Variants in CNTNAP4 observed in about 807,000 individuals in gnomAD.
CNTNAP4 encodes the protein contactin associated protein family member 4.
Under a neutral mutation model 148.4 loss-of-function variants are expected in CNTNAP4, and 98 were observed. The observed-to-expected ratio is 0.66, with a 90% confidence interval of 0.56 to 0.78. The LOEUF (loss-of-function observed/expected upper bound fraction) is 0.78. Among genes scored for constraint, CNTNAP4 ranks in the 30% least tolerant of loss-of-function variants. The pLI is 0.00. For missense variants in CNTNAP4, 1,935 were observed against 1,565.6 expected, an observed-to-expected ratio of 1.24 and a Z score of -3.98; for synonymous variants, 730 against 565.1, an observed-to-expected ratio of 1.29 and a Z score of -4.14.
chr16:76,397,114 G>T (rs895169018), intron 3 of CNTNAP4, among the ~76,000 whole-genome samples: 17 of 152,040 alleles, frequency 1.1e-4, no homozygotes, highest in African/African-American at 3.9e-4. Flanking sequence ...AGACCCAGGG[G>T]CCTACAAGAG....
intron 10 of CNTNAP4, among the ~76,000 whole-genome samples, chr16:76,472,414 C>T (rs2081409094): frequency 2.0e-5 from 3 of 152,050 alleles, no homozygotes; most frequent in Admixed American, 6.6e-5. Context: ...ATATGTATCA[C>T]AACCATTTAA....
intron 15 of CNTNAP4, among the ~76,000 whole-genome samples, chr16:76,517,566 A>T (rs1884249765): frequency 6.6e-6 from 1 of 152,224 alleles, no homozygotes; most frequent in African/African-American, 2.4e-5. Context: ...TAAGAAAGGT[A>T]GTGTTAGCAT....
chr16:76,499,131 G>C (rs953927561), intron 15 of CNTNAP4, among the ~76,000 whole-genome samples: 1 of 147,966 alleles, frequency 6.8e-6, no homozygotes, highest in Non-Finnish European at 1.5e-5. Context: ...GCAGTGGCGC[G>C]ATGTTGGCTC....
intron 15 of CNTNAP4, among the ~76,000 whole-genome samples, chr16:76,515,050 A>G (rs1193105765): frequency 6.6e-6 from 1 of 152,206 alleles, no homozygotes; most frequent in East Asian, 1.9e-4. Context: ...TTTAGACTTG[A>G]CATCGAAAGC....
intron 2 of CNTNAP4, among the ~76,000 whole-genome samples, chr16:76,353,184 T>C (rs867717172): frequency 1.3e-5 from 2 of 152,126 alleles, no homozygotes; most frequent in Admixed American, 6.5e-5. Context: ...TTTTGACACA[T>C]GGAGTGGAAT....
intron 7 of CNTNAP4, among the ~76,000 whole-genome samples, chr16:76,450,741 A>G (rs2080431953): frequency 6.6e-6 from 1 of 152,210 alleles, no homozygotes; most frequent in African/African-American, 2.4e-5. Context: ...ACTGCATTAC[A>G]TTCTAATTCT....
chr16:76,448,080 C>A lies in CNTNAP4; in HGVS notation c.607C>A (p.Pro203Thr). 1 of 1,613,550 alleles carries A rather than the reference C, an allele frequency of 6.2e-7. No homozygotes were observed. The highest frequency in any genetic ancestry group is 8.5e-7 in the Non-Finnish European group (1 of 1,179,654). ...LYRFDQKSLS[P>T]IKDIISLKFK... Reference sequence around the variant, plus strand: ...CAGATTTGATCAAAAATCCCTGAGCCCAATAAAAGACATTATTTCTTTGAA... The same window carrying A: ...CAGATTTGATCAAAAATCCCTGAGCACAATAAAAGACATTATTTCTTTGAA... Residue 203 changes from proline to threonine, a missense_variant, in exon 5 of 24, where the codon CCA (proline) becomes ACA (threonine). Physicochemically the swap from Pro to Thr is conservative, Grantham distance 38. Transcript: ENST00000611870.
chr16:76,546,553 C>T (rs1009209784), intron 21 of CNTNAP4, among the ~76,000 whole-genome samples: 2 of 152,184 alleles, frequency 1.3e-5, no homozygotes, highest in African/African-American at 4.8e-5. Flanking sequence ...CGTCTAGTTA[C>T]AGGAAGAGAA....
At chr16:76,388,309 A>G (rs1043552180) in intron 3 of CNTNAP4, among the ~76,000 whole-genome samples, 1 of 152,242 alleles carries the variant, frequency 6.6e-6, no homozygotes, top group Non-Finnish European at 1.5e-5. Context: ...TGTTTTTCAA[A>G]CATTGGTACC....
intron 3 of CNTNAP4, among the ~76,000 whole-genome samples, chr16:76,370,248 CAT>C (rs1321953908): frequency 6.6e-6 from 1 of 151,714 alleles, no homozygotes; most frequent in African/African-American, 2.4e-5. Flanking sequence ...GTGTGGGTTT[CAT>C]ATGTGCAGCA....
At chr16:76,320,684 A>C (rs1324163395) in intron 2 of CNTNAP4, among the ~76,000 whole-genome samples, 4 of 152,174 alleles carry the variant, frequency 2.6e-5, no homozygotes, top group African/African-American at 7.2e-5. Flanking sequence ...GTAGAGTTCA[A>C]ACAGGTTCTA....
At chr16:76,364,116 A>G (rs1275694327) in intron 3 of CNTNAP4, among the ~76,000 whole-genome samples, 1 of 151,284 alleles carries the variant, frequency 6.6e-6, no homozygotes, top group African/African-American at 2.4e-5. Flanking sequence ...GCACACCTGT[A>G]ATCCCAGCTA....
At chr16:76,469,746 G>C (rs1034064123) in intron 10 of CNTNAP4, among the ~76,000 whole-genome samples, 2 of 152,102 alleles carry the variant, frequency 1.3e-5, no homozygotes, top group Non-Finnish European at 2.9e-5. Flanking sequence ...GAAATAGTTA[G>C]CAAATTATGG....
intron 3 of CNTNAP4, among the ~76,000 whole-genome samples, chr16:76,397,937 ATTATAT>A (rs2078258911): frequency 2.7e-5 from 2 of 73,234 alleles, no homozygotes; most frequent in African/African-American, 9.9e-5. Context: ...GAACTAATAG[ATTATAT>A]ACATATATAT....
At chr16:76,434,517 C>T (rs543243019) in intron 4 of CNTNAP4, among the ~76,000 whole-genome samples, 111 of 152,278 alleles carry the variant, frequency 7.3e-4, no homozygotes, top group East Asian at 6.6e-3. Context: ...TACAATAATC[C>T]GCTGTCATTT....
intron 21 of CNTNAP4, among the ~76,000 whole-genome samples, chr16:76,553,063 T>G (rs1053661657): frequency 6.6e-6 from 1 of 152,190 alleles, no homozygotes; most frequent in African/African-American, 2.4e-5. Flanking sequence ...CCATATCACT[T>G]TTAATAATCC....
At chr16:76,498,467 CTT>C in intron 14 of CNTNAP4, 98 bp from the exon 15 acceptor site, 2 of 909,516 alleles carry the variant, frequency 2.2e-6, no homozygotes, top group Non-Finnish European at 3.4e-6. Context: ...GATCCATACT[CTT>C]TTGTAGGTGC....
Position 76,449,584 on chromosome 16 carries a change from A to C in CNTNAP4, c.928-131A>C, listed in dbSNP as rs74025004. 4,275 of 669,338 alleles carry C rather than the reference A, an allele frequency of 6.4e-3. 139 individuals are homozygous for C. In the African/African-American group the frequency reaches 0.076, roughly 12 times the overall value. 41.5% of individuals were successfully genotyped at this position (669,338 alleles called of 1,614,324 possible). A position where few individuals can be genotyped will look rare whatever the true frequency, so the allele number is the denominator to read the frequency against. ...TAAATTTGTTTTAAATCTATATCTT[A>C]ATTTTTGTGTGTGTAGGGTTATGAA... is the stretch of plus-strand genomic sequence containing the variant. On this transcript the variant is annotated intron_variant, in intron 6 of 23. Transcript: ENST00000611870.
At chr16:76,551,184 G>T (rs1368067037) in intron 21 of CNTNAP4, among the ~76,000 whole-genome samples, 6 of 152,134 alleles carry the variant, frequency 3.9e-5, no homozygotes, top group African/African-American at 1.4e-4. Flanking sequence ...GCCAAAGTGG[G>T]TGGATCACTT....
Sources: gnomAD v4.1 joint callset for allele counts (sites outside exome capture counted in the v4.1 genomes callset) on GRCh38, gnomAD v4.1.1 for gene constraint, MANE v1.5 for transcripts, NCBI Gene and HGNC (gene_info 2026-07-23, HGNC 2026-07-21) for gene names.